Variants in SLC37A1 observed in about 807,000 individuals in gnomAD.
SLC37A1 encodes the protein solute carrier family 37 member 1, also known as glucose-6-phosphate exchanger SLC37A1.
Under a neutral mutation model 75.3 loss-of-function variants are expected in SLC37A1, and 49 were observed. The observed-to-expected ratio is 0.65, with a 90% CI of 0.52 to 0.83. SLC37A1 has a LOEUF of 0.83. Ranked by LOEUF, SLC37A1 falls within the 40% of genes least tolerant of loss-of-function variation. The pLI is 0.00. For synonymous variants in SLC37A1, 268 were observed against 292.1 expected, an observed-to-expected ratio of 0.92 and a Z score of 0.84; for missense variants, 566 against 695.0, an observed-to-expected ratio of 0.81 and a Z score of 2.09.
intron 18 of SLC37A1, among the ~76,000 whole-genome samples, chr21:42,576,978 T>TCC (rs2056322219): frequency 1.3e-5 from 2 of 152,198 alleles, no homozygotes; most frequent in Non-Finnish European, 2.9e-5. Context: ...TTTGAAGCAA[T>TCC]ATTTTAAGAC....
rs1179169392 is a variant in SLC37A1, at chr21:42,565,810, T to G, written c.1222-17T>G. ...GCAGCCAGCCATGGCTTTGACCTTG[T>G]GTCTTGATGTCCACAGCTCTACATC... On this transcript the variant is annotated splice_polypyrimidine_tract_variant and intron_variant, in intron 14 of 19. Coordinates refer to ENST00000352133, the MANE Select transcript of SLC37A1 (RefSeq NM_001320537.2). 1 of 1,612,704 alleles carries G rather than the reference T, an allele frequency of 6.2e-7. No individual in the cohort carries two copies. The highest frequency in any genetic ancestry group is 2.2e-5 in the East Asian group (1 of 44,874).
chr21:42,503,425 A>AT (rs111367362), intron 2 of SLC37A1, among the ~76,000 whole-genome samples: 9,549 of 150,800 alleles, frequency 0.063, 819 homozygotes, highest in African/African-American at 0.2. Context: ...GATTTTTTGT[A>AT]TTTTTTTTGT....
At chr21:42,512,746 C>T (rs11702529), upstream of SLC37A1, among the ~76,000 whole-genome samples, 8,264 of 152,292 alleles carry the variant, frequency 0.054, 565 homozygotes, top group Admixed American at 0.21. Flanking sequence ...GGTTTTCTTT[C>T]TGCCTGCAGA....
At position 42,518,440 on chromosome 21, in the gene SLC37A1, T is replaced by C; in HGVS notation, c.-15T>C. 2.5e-6 allele frequency: 4 copies of C among 1,614,112 alleles called. No individual in the cohort carries two copies. Among genetic ancestry groups the C allele is most frequent in the Non-Finnish European group, 3.4e-6 (4 of 1,179,988 alleles). Reference sequence around the variant, plus strand: ...TTATTCTGCGACCGAGGCTCAGTGGTCAGTGGCGACGTAAATGGCTCGACT... The same window carrying C: ...TTATTCTGCGACCGAGGCTCAGTGGCCAGTGGCGACGTAAATGGCTCGACT... On this transcript the variant is annotated 5_prime_UTR_variant, in exon 2 of 20. Coordinates refer to ENST00000352133, the MANE Select transcript of SLC37A1 (RefSeq NM_001320537.2).
At chr21:42,569,901 C>A (rs2056083363) in intron 17 of SLC37A1, among the ~76,000 whole-genome samples, 3 of 152,250 alleles carry the variant, frequency 2.0e-5, no homozygotes, top group African/African-American at 7.2e-5. Context: ...GCCCCAGGCG[C>A]CCCCGCCCAG....
intron 3 of SLC37A1, 75 bp from the exon 4 acceptor site, chr21:42,534,623 T>C: frequency 6.5e-7 from 1 of 1,527,334 alleles, no homozygotes; most frequent in Non-Finnish European, 8.9e-7. Flanking sequence ...GGGTGACTGT[T>C]CCTCTCTGTG....
intron 18 of SLC37A1, chr21:42,575,939 T>C: frequency 1.0e-6 from 1 of 985,322 alleles, no homozygotes; most frequent in Non-Finnish European, 1.2e-6. Flanking sequence ...GTAAAATTCC[T>C]GTCATTACAA....
chr21:42,515,375 AT>A (rs767823544), intron 1 of SLC37A1, among the ~76,000 whole-genome samples: 8 of 151,874 alleles, frequency 5.3e-5, no homozygotes, highest in Non-Finnish European at 1.0e-4. Context: ...TTAAAAAAAA[AT>A]GTCATAAAGT....
intron 12 of SLC37A1, among the ~76,000 whole-genome samples, chr21:42,562,396 T>C (rs556808542): frequency 6.6e-6 from 1 of 152,354 alleles, no homozygotes; most frequent in East Asian, 1.9e-4. Flanking sequence ...TGACACGTTC[T>C]ATCCCAGCTA....
In SLC37A1 at chr21:42,547,182, G is replaced by A. The variant is rs372397776; in HGVS notation, c.768+42G>A. On this transcript the variant is annotated intron_variant, in intron 9 of 19. Transcript: ENST00000352133. The surrounding 1 kb of genome is among the most constrained non-coding windows in gnomAD (Gnocchi z 6.1). ...CTTGTCCTTTTCTAGAACAGTGTGC[G>A]GTTCTGACCACTTCCCCAGCCTGCT... The A allele has an allele frequency of 2.3e-4, 372 of 1,609,778 alleles. 7 individuals are homozygous for A. In the South Asian group the frequency reaches 3.4e-3, roughly 15 times the overall value.
intron 10 of SLC37A1, among the ~76,000 whole-genome samples, chr21:42,557,113 T>A (rs753781585): frequency 1.3e-5 from 2 of 152,238 alleles, no homozygotes; most frequent in African/African-American, 2.4e-5. Context: ...CTGCGGTCAC[T>A]TCTCTGCGGG....
intron 3 of SLC37A1, among the ~76,000 whole-genome samples, chr21:42,533,852 T>C (rs761846814): frequency 1.1e-4 from 16 of 152,228 alleles, no homozygotes; most frequent in Non-Finnish European, 2.2e-4. Context: ...TCCAGGGCGA[T>C]GGCTTTCCCC....
chr21:42,553,915 C>A (rs1745611585), intron 9 of SLC37A1, 147 bp from the exon 10 acceptor site: 1 of 535,000 alleles, frequency 1.9e-6, no homozygotes, highest in Non-Finnish European at 3.2e-6. Context: ...GTGTTGAGAT[C>A]AACCATTATT....
chr21:42,563,347 C>T (rs747816590), intron 12 of SLC37A1, among the ~76,000 whole-genome samples: 2 of 152,218 alleles, frequency 1.3e-5, no homozygotes, highest in African/African-American at 2.4e-5. Context: ...CCCCAGATGC[C>T]GTGCAGTTTC....
chr21:42,571,298 C>T (rs2056158272), intron 17 of SLC37A1, among the ~76,000 whole-genome samples: 1 of 152,226 alleles, frequency 6.6e-6, no homozygotes, highest in South Asian at 2.1e-4. Flanking sequence ...GTAAATCACC[C>T]CTGCCTTCTC....
At chr21:42,543,142 A>G (rs2055323544) in intron 7 of SLC37A1, among the ~76,000 whole-genome samples, 1 of 152,262 alleles carries the variant, frequency 6.6e-6, no homozygotes, top group Non-Finnish European at 1.5e-5. Context: ...TAGAGGCACA[A>G]ATTTTAATTT....
intron 1 of SLC37A1, among the ~76,000 whole-genome samples, chr21:42,517,656 C>A (rs191003341): frequency 1.1e-4 from 17 of 152,294 alleles, no homozygotes; most frequent in African/African-American, 4.1e-4. Context: ...CCTCCCTCCC[C>A]ATTCCTTCCT....
chr21:42,542,187 T>A (rs970516847), intron 6 of SLC37A1, among the ~76,000 whole-genome samples: 1 of 152,258 alleles, frequency 6.6e-6, no homozygotes, highest in African/African-American at 2.4e-5. Context: ...ACAATAGGCA[T>A]GCATTGCTTT....
chr21:42,503,393 G>A (rs1051392434), intron 2 of SLC37A1, among the ~76,000 whole-genome samples: 5 of 151,754 alleles, frequency 3.3e-5, no homozygotes, highest in African/African-American at 9.7e-5. Flanking sequence ...GGGAATACAG[G>A]TGCCTACCAC....
Sources: gnomAD v4.1 joint callset for allele counts (sites outside exome capture counted in the v4.1 genomes callset) on GRCh38, gnomAD v4.1.1 for gene constraint, Gnocchi (gnomAD v3.1) non-coding constraint, MANE v1.5 for transcripts, NCBI Gene and HGNC (gene_info 2026-07-23, HGNC 2026-07-21) for gene names.